Variants in LRMDA observed in about 807,000 individuals in gnomAD.
The protein encoded by LRMDA is leucine rich melanocyte differentiation associated.
A neutral mutation model predicts 29.8 loss-of-function variants in LRMDA; 18 were observed. The ratio of observed to expected loss-of-function variants is 0.60; its 90% CI spans 0.42 to 0.90. The LOEUF (loss-of-function observed/expected upper bound fraction) is 0.90. Among genes scored for constraint, LRMDA ranks in the 40% least tolerant of loss-of-function variants. LRMDA has a pLI of 0.00. For synonymous variants in LRMDA, 125 were observed against 109.4 expected (o/e 1.14, Z -0.89); for missense variants, 273 against 273.9 (o/e 1.00, Z 0.02).
chr10:76,551,317 C>T (rs759066571), intron 6 of LRMDA, among the ~76,000 whole-genome samples: 3 of 151,528 alleles, frequency 2.0e-5, no homozygotes, highest in African/African-American at 7.2e-5. Flanking sequence ...CAGAGTGTTT[C>T]AAATGTCTGA....
rs76459843 is a variant in LRMDA at position 75,649,339 on chromosome 10, C to T, written c.131+210845C>T. On this transcript the variant is annotated intron_variant, in intron 2 of 6. Transcript: ENST00000611255. The stretch of plus-strand genomic sequence containing the variant: ...CACTGTATGTATAGATCACATTTAG[C>T]TTATCTATCCATCAGTGAACAGTTG... 6.6e-3 allele frequency among the ~76,000 whole-genome samples: 1,001 copies of T among 152,282 alleles called. 15 individuals carry two copies. Among genetic ancestry groups the T allele is most frequent in the African/African-American group, 0.023 (939 of 41,546 alleles).
Position 75,782,476 on chromosome 10 carries a change from T to C in LRMDA, c.132-253532T>C, listed in dbSNP as rs976419312. Among the ~76,000 whole-genome samples, 2 of 152,228 alleles carry C rather than the reference T, an allele frequency of 1.3e-5. 1 individual carries two copies. Among genetic ancestry groups the C allele is most frequent in the South Asian group, 4.1e-4 (2 of 4,832 alleles). ...CAGATGGGATGGAATATTTCTGTTT[T>C]GTTTTTTATGGGTGATTTTTCACCG... On this transcript the variant is annotated intron_variant, in intron 2 of 6. Transcript: ENST00000611255.
intron 5 of LRMDA, among the ~76,000 whole-genome samples, chr10:76,131,040 G>A (rs1048340492): frequency 9.9e-5 from 15 of 152,094 alleles, no homozygotes; most frequent in East Asian, 3.9e-4. Context: ...TTTTCATTCC[G>A]GAAAGCAGCG....
At chr10:75,580,912 A>G (rs1418039299) in intron 2 of LRMDA, among the ~76,000 whole-genome samples, 1 of 152,244 alleles carries the variant, frequency 6.6e-6, no homozygotes, top group African/African-American at 2.4e-5. Flanking sequence ...TTATACAAAA[A>G]TTAACTCAAG....
chr10:76,024,106 G>GAAA (rs1848022174), intron 2 of LRMDA, among the ~76,000 whole-genome samples: 1 of 152,222 alleles, frequency 6.6e-6, no homozygotes, highest in African/African-American at 2.4e-5. Context: ...TATGCTGTGT[G>GAAA]TTTACCAACT....
chr10:76,488,035 G>A (rs1246921568), intron 6 of LRMDA, among the ~76,000 whole-genome samples: 1 of 151,778 alleles, frequency 6.6e-6, no homozygotes, highest in African/African-American at 2.4e-5. Flanking sequence ...ATTTTTTTAA[G>A]TGGTTCAGAT....
At chr10:75,871,199 C>T (rs980814581) in intron 2 of LRMDA, among the ~76,000 whole-genome samples, 1 of 152,180 alleles carries the variant, frequency 6.6e-6, no homozygotes, top group Non-Finnish European at 1.5e-5. Flanking sequence ...CATTACATCT[C>T]CTTGGCTCAC....
chr10:75,744,972 T>A (rs1311245042), intron 2 of LRMDA, among the ~76,000 whole-genome samples: 1 of 152,160 alleles, frequency 6.6e-6, no homozygotes, highest in African/African-American at 2.4e-5. Context: ...CACAGGCAAG[T>A]CTCTCTCCCA....
intron 2 of LRMDA, among the ~76,000 whole-genome samples, chr10:75,698,756 C>A (rs559608468): frequency 1.3e-5 from 2 of 151,538 alleles, no homozygotes; most frequent in East Asian, 3.9e-4. Context: ...TTTTTAAAAA[C>A]CCTCAAAAAG....
chr10:75,618,054 A>G (rs1222686143), intron 2 of LRMDA, among the ~76,000 whole-genome samples: 1 of 152,210 alleles, frequency 6.6e-6, no homozygotes, highest in African/African-American at 2.4e-5. Context: ...GTACTCATCT[A>G]AGGGATATTC....
intron 2 of LRMDA, among the ~76,000 whole-genome samples, chr10:75,592,808 A>AT (rs1475047233): frequency 6.6e-6 from 1 of 152,234 alleles, no homozygotes; most frequent in Non-Finnish European, 1.5e-5. Context: ...TCAAAGAGTA[A>AT]TAATAGGTGC....
intron 2 of LRMDA, among the ~76,000 whole-genome samples, chr10:75,506,698 GTC>G (rs1845172059): frequency 6.6e-6 from 1 of 152,198 alleles, no homozygotes; most frequent in Non-Finnish European, 1.5e-5. Context: ...CGCCATGTTG[GTC>G]CCTTGGCCGG....
At chr10:76,334,822 C>A (rs1840947689) in intron 6 of LRMDA, among the ~76,000 whole-genome samples, 1 of 152,122 alleles carries the variant, frequency 6.6e-6, no homozygotes, top group African/African-American at 2.4e-5. Context: ...TTCATGAGAG[C>A]CGTAACATGT....
intron 6 of LRMDA, among the ~76,000 whole-genome samples, chr10:76,350,609 A>G (rs1841164410): frequency 6.6e-6 from 1 of 152,012 alleles, no homozygotes; most frequent in Non-Finnish European, 1.5e-5. Context: ...GTGTAGGGTC[A>G]TTTGAGTTCC....
At chr10:75,850,295 TA>T (rs1844710545) in intron 2 of LRMDA, among the ~76,000 whole-genome samples, 1 of 152,248 alleles carries the variant, frequency 6.6e-6, no homozygotes, top group South Asian at 2.1e-4. Flanking sequence ...TTGAGATTTT[TA>T]AAAAGTATAG....
At chr10:76,542,771 A>T (rs921053078) in intron 6 of LRMDA, among the ~76,000 whole-genome samples, 2 of 152,204 alleles carry the variant, frequency 1.3e-5, no homozygotes, top group Non-Finnish European at 1.5e-5. Context: ...TATCCTTCAG[A>T]TATGTCTTCC....
chr10:76,113,070 C>G (rs897776873), intron 5 of LRMDA, among the ~76,000 whole-genome samples: 1 of 152,096 alleles, frequency 6.6e-6, no homozygotes, highest in South Asian at 2.1e-4. Context: ...CCTGTTAGTC[C>G]GAGCATGGGC....
chr10:76,072,851 TCTG>T (rs1848896471), intron 5 of LRMDA, among the ~76,000 whole-genome samples: 1 of 152,228 alleles, frequency 6.6e-6, no homozygotes, highest in Admixed American at 6.5e-5. Context: ...TTTGAGTACT[TCTG>T]CTGCTGCTGT....
intron 2 of LRMDA, among the ~76,000 whole-genome samples, chr10:75,584,995 A>C (rs1469352339): frequency 6.6e-6 from 1 of 152,238 alleles, no homozygotes; most frequent in Non-Finnish European, 1.5e-5. Flanking sequence ...GACATAGAAC[A>C]TACATCCAAA....
Sources: allele counts gnomAD v4.1 joint callset (sites outside exome capture counted in the v4.1 genomes callset), GRCh38; gene constraint gnomAD v4.1.1; transcripts MANE v1.5; gene names NCBI Gene and HGNC (gene_info 2026-07-23, HGNC 2026-07-21).